Variants in FAM107B observed in about 807,000 individuals in gnomAD.
FAM107B encodes the protein protein FAM107B.
In FAM107B, 21 loss-of-function variants were observed where a neutral mutation model predicts 31.5. The ratio of observed to expected loss-of-function variants is 0.67; its 90% CI spans 0.47 to 0.96. The LOEUF (loss-of-function observed/expected upper bound fraction) is 0.96. FAM107B is among the 40% of genes least tolerant of loss of function. The probability of loss-of-function intolerance (pLI) is 0.00; values close to 1 mark genes in which losing one functional copy is unlikely to be tolerated. For synonymous variants in FAM107B, 157 were observed against 141.5 expected, an observed-to-expected ratio of 1.11 and a Z score of -0.78; for missense variants, 452 against 377.1, an observed-to-expected ratio of 1.20 and a Z score of -1.64.
intron 2 of FAM107B, among the ~76,000 whole-genome samples, chr10:14,652,188 C>T (rs7907964): frequency 6.6e-6 from 1 of 151,890 alleles, no homozygotes; most frequent in South Asian, 2.1e-4. Context: ...TATTTCTATA[C>T]TTCATCTCAA....
rs186173868 is a variant in FAM107B at position 14,601,550 on chromosome 10, C to T, written c.469+66084G>A. 4.7e-4 allele frequency among the ~76,000 whole-genome samples: 71 copies of T among 152,296 alleles called. 1 individual carries two copies. The highest frequency in any genetic ancestry group is 1.7e-3 in the African/African-American group (70 of 41,554). ...TCGACCCCATGATGCACACAGAGGACATCCCACTCCACAGCAGCTTTCCCA... is the reference window on the plus strand; with the variant it reads ...TCGACCCCATGATGCACACAGAGGATATCCCACTCCACAGCAGCTTTCCCA... On this transcript the variant is annotated intron_variant, in intron 2 of 4. Coordinates refer to ENST00000181796, the MANE Select transcript of FAM107B (RefSeq NM_031453.4).
chr10:14,602,212 T>A (rs959210370), intron 2 of FAM107B, among the ~76,000 whole-genome samples: 1 of 152,156 alleles, frequency 6.6e-6, no homozygotes, highest in Non-Finnish European at 1.5e-5. Flanking sequence ...TGAGCGTGTG[T>A]GCAGATTAAA....
intron 1 of FAM107B, among the ~76,000 whole-genome samples, chr10:14,733,683 G>A (rs1167405329): frequency 6.6e-6 from 1 of 152,170 alleles, no homozygotes; most frequent in East Asian, 1.9e-4. Flanking sequence ...AACCCTGGGA[G>A]GCAGGTTTTA....
chr10:14,598,977 C>T (rs566116040), intron 2 of FAM107B, among the ~76,000 whole-genome samples: 11 of 152,298 alleles, frequency 7.2e-5, no homozygotes, highest in Admixed American at 6.5e-4. Flanking sequence ...CACCTTGCTC[C>T]GTTCAGCAAC....
At chr10:14,682,357 C>T (rs189922347) in intron 1 of FAM107B, among the ~76,000 whole-genome samples, 406 of 152,136 alleles carry the variant, frequency 2.7e-3, no homozygotes, top group African/African-American at 9.2e-3. Flanking sequence ...AGTGAAACCT[C>T]GCCTCTACTA....
At chr10:14,574,318 A>G (rs1039840858) in intron 2 of FAM107B, among the ~76,000 whole-genome samples, 4 of 152,220 alleles carry the variant, frequency 2.6e-5, no homozygotes, top group African/African-American at 7.2e-5. Context: ...AATCTATCCA[A>G]TATCTCAAAA....
intron 2 of FAM107B, chr10:14,553,975 T>C: frequency 3.1e-6 from 1 of 325,462 alleles, no homozygotes; most frequent in Non-Finnish European, 4.4e-6. Context: ...CAGGTAGCTT[T>C]CTGAGCCCGT....
intron 2 of FAM107B, among the ~76,000 whole-genome samples, chr10:14,595,877 T>A (rs929258217): frequency 2.6e-5 from 4 of 152,216 alleles, no homozygotes; most frequent in Non-Finnish European, 5.9e-5. Context: ...GCACCCCGGC[T>A]GGTCTCCCTG....
intron 1 of FAM107B, among the ~76,000 whole-genome samples, chr10:14,677,566 A>C (rs546514120): frequency 6.6e-6 from 1 of 152,124 alleles, no homozygotes; most frequent in South Asian, 2.1e-4. Flanking sequence ...GCTTGCAGTG[A>C]GCAGAGATGG....
At chr10:14,725,225 A>G (rs142365940) in intron 1 of FAM107B, among the ~76,000 whole-genome samples, 1 of 152,210 alleles carries the variant, frequency 6.6e-6, no homozygotes, top group Non-Finnish European at 1.5e-5. Flanking sequence ...GAGATGGCTG[A>G]GTTTTCTAGA....
intron 1 of FAM107B, chr10:14,723,803 TCTGGCCAGTATAC>T (rs1321344234): frequency 6.6e-6 from 5 of 757,706 alleles, no homozygotes; most frequent in Non-Finnish European, 1.2e-5. Context: ...AGCAGGGCCC[TCTGGCCAGTATAC>T]CTGGAGGACA....
chr10:14,774,007 T>C (rs1042317851), intron 1 of FAM107B, among the ~76,000 whole-genome samples: 6 of 152,210 alleles, frequency 3.9e-5, no homozygotes, highest in Non-Finnish European at 7.3e-5. Flanking sequence ...CCCTAGCCCG[T>C]TAATTCAAGG....
At chr10:14,637,258 A>G (rs1033800538) in intron 2 of FAM107B, among the ~76,000 whole-genome samples, 3 of 152,110 alleles carry the variant, frequency 2.0e-5, no homozygotes, top group African/African-American at 7.2e-5. Flanking sequence ...GGTGGCCCCT[A>G]TGATCCCTAC....
At chr10:14,529,481 T>C (rs1176450840) in intron 3 of FAM107B, 1 of 152,168 alleles carries the variant, frequency 6.6e-6, no homozygotes, top group Non-Finnish European at 1.5e-5. Context: ...TTTGTTTAAC[T>C]AGGCCTCCCT....
intron 2 of FAM107B, among the ~76,000 whole-genome samples, chr10:14,621,002 T>G (rs1852997316): frequency 6.6e-6 from 1 of 152,240 alleles, no homozygotes; most frequent in Non-Finnish European, 1.5e-5. Context: ...ATTGCTTGTA[T>G]TTAAAAATAC....
chr10:14,756,235 T>C (rs1387873264), intron 1 of FAM107B, among the ~76,000 whole-genome samples: 1 of 152,248 alleles, frequency 6.6e-6, no homozygotes, highest in Non-Finnish European at 1.5e-5. Flanking sequence ...CCATTCATTA[T>C]TCTACAAATT....
chr10:14,583,452 C>T (rs2131314310), intron 2 of FAM107B, among the ~76,000 whole-genome samples: 1 of 152,282 alleles, frequency 6.6e-6, no homozygotes, highest in Non-Finnish European at 1.5e-5. Context: ...AAAACAGGAC[C>T]CAAGCTCACC....
At chr10:14,555,894 A>AACACAC (rs56270507) in intron 2 of FAM107B, 32,438 of 147,982 alleles carry the variant, frequency 0.22, 3,784 homozygotes, top group East Asian at 0.26. Flanking sequence ...AGACATCTTT[A>AACACAC]ACACACACAC....
chr10:14,564,877 T>G (rs765986726), intron 2 of FAM107B, among the ~76,000 whole-genome samples: 1 of 152,224 alleles, frequency 6.6e-6, no homozygotes, highest in African/African-American at 2.4e-5. Context: ...CTTCCATATA[T>G]AGTATTTTCT....
Sources: gnomAD v4.1 joint callset for allele counts (sites outside exome capture counted in the v4.1 genomes callset) on GRCh38, gnomAD v4.1.1 for gene constraint, MANE v1.5 for transcripts, NCBI Gene and HGNC (gene_info 2026-07-23, HGNC 2026-07-21) for gene names.